Variants in ADAMTS2 observed in about 807,000 individuals in gnomAD.
The protein encoded by ADAMTS2 is A disintegrin and metalloproteinase with thrombospondin motifs 2.
ADAMTS2 carries 50 observed loss-of-function variants against 123.0 expected under a neutral mutation model. That is an observed-to-expected ratio of 0.41 (90% CI 0.32 to 0.51). The LOEUF (loss-of-function observed/expected upper bound fraction) is 0.51. Among genes scored for constraint, ADAMTS2 ranks in the 20% least tolerant of loss-of-function variants. ADAMTS2 has a pLI of 0.35. For synonymous variants in ADAMTS2, 678 were observed against 695.4 expected (o/e 0.98, Z 0.39); for missense variants, 1,494 against 1,705.2 (o/e 0.88, Z 2.18).
intron 13 of ADAMTS2, among the ~76,000 whole-genome samples, chr5:179,133,832 C>A (rs1405149633): frequency 6.6e-6 from 1 of 151,818 alleles, no homozygotes; most frequent in Non-Finnish European, 1.5e-5. Context: ...GAGTCTCCTG[C>A]CTCAGCCTCC....
chr5:179,231,495 C>T (rs1765411644), intron 3 of ADAMTS2, among the ~76,000 whole-genome samples: 2 of 152,170 alleles, frequency 1.3e-5, no homozygotes, highest in South Asian at 2.1e-4. Flanking sequence ...GTGCTGATGG[C>T]GTCCCGGTGT....
rs561787232 is a variant in ADAMTS2, at chr5:179,158,936, G to A, written c.976-57C>T. On this transcript the variant is annotated intron_variant, in intron 5 of 21. Coordinates refer to ENST00000251582, the MANE Select transcript of ADAMTS2 (RefSeq NM_014244.5). The surrounding 1 kb of genome is among the most constrained non-coding windows in gnomAD (Gnocchi z 5.0). ...AGGTTGGCGCCTGGTGGCCCAGTGG[G>A]GGGCCGAGCAGGCTGTAGTGTTGAC... The A allele has an allele frequency of 1.3e-3, 2,104 of 1,595,790 alleles. 4 individuals carry two copies. Among genetic ancestry groups the A allele is most frequent in the Non-Finnish European group, 1.6e-3 (1,883 of 1,170,604 alleles).
At position 179,303,905 on chromosome 5, in the gene ADAMTS2, T is replaced by C. The variant is rs959300959; in HGVS notation, c.535-30841A>G. On this transcript the variant is annotated intron_variant, in intron 2 of 21. Transcript: ENST00000251582. The surrounding 1 kb of genome is among the most constrained non-coding windows in gnomAD (Gnocchi z 4.7). ...GGAGCCGCAGGAAACTGGACAGGGC[T>C]AGGAAGATGGCAGAGACAGCAGAGC... Among the ~76,000 whole-genome samples, 2 of 152,156 alleles carry C rather than the reference T, an allele frequency of 1.3e-5. No homozygotes were observed. Among genetic ancestry groups the C allele is most frequent in the Non-Finnish European group, 2.9e-5 (2 of 68,042 alleles).
intron 10 of ADAMTS2, among the ~76,000 whole-genome samples, chr5:179,151,847 G>A (rs970794311): frequency 1.3e-5 from 2 of 152,160 alleles, no homozygotes; most frequent in Admixed American, 6.5e-5. Flanking sequence ...AGGGGTGACC[G>A]AAGGCTGCCA....
intron 2 of ADAMTS2, among the ~76,000 whole-genome samples, chr5:179,326,801 G>A (rs1024575481): frequency 2.0e-5 from 3 of 152,112 alleles, no homozygotes; most frequent in Non-Finnish European, 2.9e-5. Flanking sequence ...GAGCGAGATC[G>A]CGTCTGACTC....
At position 179,202,029 on chromosome 5, in the gene ADAMTS2, GA is replaced by G. The variant is rs1356121865; in HGVS notation, c.891+5483del. Among the ~76,000 whole-genome samples the G allele has an allele frequency of 2.6e-5, 4 of 152,172 alleles. No individual in the cohort carries two copies. The highest frequency in any genetic ancestry group is 5.9e-5 in the Non-Finnish European group (4 of 68,034). ...AAGCCGCTTCCCTTCTGGCAAGTCT[GA>G]GATGAAAAGGGCAGCTTCATCTTTC... On this transcript the variant is annotated intron_variant, in intron 4 of 21. Transcript: ENST00000251582. This position sits in a 1 kb window ranked among gnomAD's most constrained non-coding sequence, Gnocchi z 4.0.
Position 179,175,491 on chromosome 5 carries a change from G to T in ADAMTS2, c.975+5581C>A, listed in dbSNP as rs1763911108. Among the ~76,000 whole-genome samples, 1 of 152,174 alleles carries T rather than the reference G, an allele frequency of 6.6e-6. No homozygotes were observed. On this transcript the variant is annotated intron_variant, in intron 5 of 21. Coordinates refer to ENST00000251582, the MANE Select transcript of ADAMTS2 (RefSeq NM_014244.5). The surrounding 1 kb of genome is among the most constrained non-coding windows in gnomAD (Gnocchi z 4.1). ...TAATCAGGTACAATTTCCTTCCAAT[G>T]GGTCCATTGTCTTGTCAGGACTATT...
In ADAMTS2 at chr5:179,225,003, G is replaced by A. The variant is rs367885065; in HGVS notation, c.689-17288C>T. On this transcript the variant is annotated intron_variant, in intron 3 of 21. Coordinates refer to ENST00000251582, the MANE Select transcript of ADAMTS2 (RefSeq NM_014244.5). The surrounding 1 kb of genome is among the most constrained non-coding windows in gnomAD (Gnocchi z 4.5). ...TGCCTCACAGTGGCTGAAGCTTCCC[G>A]GGCCGCAGTTCACGCCCCACTTGTT... Among the ~76,000 whole-genome samples the A allele has an allele frequency of 2.5e-4, 38 of 152,294 alleles. No individual in the cohort carries two copies. Among genetic ancestry groups the A allele is most frequent in the Non-Finnish European group, 3.2e-4 (22 of 68,014 alleles).
Position 179,207,472 on chromosome 5 carries a change from C to CCCCG in ADAMTS2, c.891+40_891+41insCGGG. 2.6e-5 allele frequency: 24 copies of CCCCG among 925,666 alleles called. 4 individuals carry two copies. Among genetic ancestry groups the CCCCG allele is most frequent in the Non-Finnish European group, 3.9e-5 (22 of 566,298 alleles). The allele number at this position is 925,666 out of a possible 1,614,324, so 57.3% of individuals were successfully genotyped here. A position where few individuals can be genotyped will look rare whatever the true frequency, so the allele number is the denominator to read the frequency against. On this transcript the variant is annotated intron_variant, in intron 4 of 21. Coordinates refer to ENST00000251582, the MANE Select transcript of ADAMTS2 (RefSeq NM_014244.5). ...TCTGGCCTGCCCAGCCCCTGGTTGA[C>CCCCG]CCTCCCCGCCCCACCCTGCCCCCTC... is the stretch of plus-strand genomic sequence containing the variant.
intron 2 of ADAMTS2, among the ~76,000 whole-genome samples, chr5:179,318,474 G>C (rs1228066938): frequency 6.6e-6 from 1 of 152,132 alleles, no homozygotes; most frequent in African/African-American, 2.4e-5. Context: ...GGAGGGACAG[G>C]GCCCACTGCA....
In ADAMTS2 at chr5:179,188,731, A is replaced by G. The variant is rs541915364; in HGVS notation, c.892-7576T>C. ...GCCCAAGGCCACCCCCTCACTCCTCAGGCGACGTCTCCTGTGCCTGTCCAC... is the reference window on the plus strand; with the variant it reads ...GCCCAAGGCCACCCCCTCACTCCTCGGGCGACGTCTCCTGTGCCTGTCCAC... On this transcript the variant is annotated intron_variant, in intron 4 of 21. Coordinates refer to ENST00000251582, the MANE Select transcript of ADAMTS2 (RefSeq NM_014244.5). This position sits in a 1 kb window ranked among gnomAD's most constrained non-coding sequence, Gnocchi z 5.1. Among the ~76,000 whole-genome samples, 138 of 152,178 alleles carry G rather than the reference A, an allele frequency of 9.1e-4. 1 individual carries two copies. The highest frequency in any genetic ancestry group is 1.2e-4 in the Non-Finnish European group (8 of 67,986).
intron 3 of ADAMTS2, among the ~76,000 whole-genome samples, chr5:179,222,900 C>A (rs1262271184): frequency 1.3e-5 from 2 of 152,220 alleles, no homozygotes; most frequent in Non-Finnish European, 2.9e-5. Flanking sequence ...AGGGCAGGAG[C>A]ACCCTCCCCA....
chr5:179,206,083 G>C (rs1445235775), intron 4 of ADAMTS2, among the ~76,000 whole-genome samples: 2 of 152,168 alleles, frequency 1.3e-5, no homozygotes, highest in Non-Finnish European at 2.9e-5. Context: ...TGCATTAAAG[G>C]TACGTTTCAA....
At chr5:179,174,984 G>A (rs1381095337) in intron 5 of ADAMTS2, among the ~76,000 whole-genome samples, 3 of 145,332 alleles carry the variant, frequency 2.1e-5, no homozygotes, top group Admixed American at 6.9e-5. Context: ...ATTCTTGACC[G>A]TTCATGTTCC....
In ADAMTS2 at chr5:179,175,814, T is replaced by C. The variant is rs1413924131; in HGVS notation, c.975+5258A>G. Among the ~76,000 whole-genome samples the C allele has an allele frequency of 2.0e-5, 3 of 152,144 alleles. No homozygotes were observed. The highest frequency in any genetic ancestry group is 4.4e-5 in the Non-Finnish European group (3 of 68,040). On this transcript the variant is annotated intron_variant, in intron 5 of 21. Transcript: ENST00000251582. This position sits in a 1 kb window ranked among gnomAD's most constrained non-coding sequence, Gnocchi z 4.1. Reference sequence around the variant, plus strand: ...GGATTTTCAGAACCACAGTAACTAGTTTATGGGTCTTTTTTGTTTGTTTGT... The same window carrying C: ...GGATTTTCAGAACCACAGTAACTAGCTTATGGGTCTTTTTTGTTTGTTTGT...
chr5:179,210,122 C>T (rs1764816048), intron 3 of ADAMTS2, among the ~76,000 whole-genome samples: 1 of 152,196 alleles, frequency 6.6e-6, no homozygotes, highest in Non-Finnish European at 1.5e-5. Flanking sequence ...AGGGGTAGCC[C>T]GGGTCTGTGA....
In ADAMTS2 at chr5:179,165,457, G is replaced by A. The variant is rs143417034; in HGVS notation, c.976-6578C>T. 1.8e-4 allele frequency among the ~76,000 whole-genome samples: 27 copies of A among 152,266 alleles called. No individual in the cohort carries two copies. In the East Asian group the frequency reaches 3.3e-3, roughly 18 times the overall value. On this transcript the variant is annotated intron_variant, in intron 5 of 21. Transcript: ENST00000251582. ...GCACCTGACTTCCAGCTGCCTGCTC[G>A]GCTCTGCACGGCTCCTCTAGGAAAG...
intron 3 of ADAMTS2, among the ~76,000 whole-genome samples, chr5:179,264,925 G>T (rs1322709327): frequency 1.6e-5 from 2 of 123,156 alleles, no homozygotes; most frequent in African/African-American, 2.8e-5. Context: ...ATGCTGGGCG[G>T]AGCTGAGCGC....
At chr5:179,311,044 C>T (rs565043366) in intron 2 of ADAMTS2, among the ~76,000 whole-genome samples, 112 of 151,892 alleles carry the variant, frequency 7.4e-4, no homozygotes, top group Middle Eastern at 3.4e-3. Flanking sequence ...CCCCCCACCC[C>T]CCAACCCACC....
Sources: allele counts gnomAD v4.1 joint callset (sites outside exome capture counted in the v4.1 genomes callset), GRCh38; gene constraint gnomAD v4.1.1; non-coding constraint Gnocchi (gnomAD v3.1); transcripts MANE v1.5; gene names NCBI Gene and HGNC (gene_info 2026-07-23, HGNC 2026-07-21).